CDH4: variants seen among roughly 807,000 people sequenced by gnomAD.
CDH4 encodes cadherin 4, also known as cadherin-4.
CDH4 carries 33 observed loss-of-function variants against 86.0 expected under a neutral mutation model. That is an observed-to-expected ratio of 0.38 (90% confidence interval 0.29 to 0.51). The LOEUF (loss-of-function observed/expected upper bound fraction) is 0.51. Ranked by LOEUF, CDH4 falls within the 20% of genes least tolerant of loss-of-function variation. The pLI is 0.86. For synonymous variants in CDH4, 555 were observed against 549.4 expected (o/e 1.01, Z -0.14); for missense variants, 1,114 against 1,307.4 (o/e 0.85, Z 2.28).
chr20:61,564,656 C>G (rs367852370), intron 2 of CDH4, among the ~76,000 whole-genome samples: 5 of 152,298 alleles, frequency 3.3e-5, no homozygotes, highest in Middle Eastern at 3.4e-3. Context: ...AAAATAAAAC[C>G]TCTTTCTTTA....
chr20:61,885,969 T>C (rs1381268507), intron 7 of CDH4, among the ~76,000 whole-genome samples: 4 of 152,104 alleles, frequency 2.6e-5, no homozygotes, highest in Non-Finnish European at 4.4e-5. Context: ...CTGGAGAAGC[T>C]CCCAGAGCAG....
rs1555835025 is a variant in CDH4 at position 61,302,493 on chromosome 20, G to GGT, written c.169+47557_169+47558dup. Among the ~76,000 whole-genome samples the GGT allele has an allele frequency of 2.0e-5, 3 of 151,772 alleles. No individual in the cohort carries two copies. The East Asian group carries it at 5.8e-4, about 30-fold the overall frequency. On this transcript the variant is annotated intron_variant, in intron 2 of 15. Transcript: ENST00000614565. Reference sequence around the variant, plus strand: ...TGTTTCCTTGGCCTGGGTTGGGGGGGGTCTGTTGTCACAAACGTCATTCTT... The same window carrying GGT: ...TGTTTCCTTGGCCTGGGTTGGGGGGGGTGTCTGTTGTCACAAACGTCATTCTT...
At chr20:61,265,214 T>C (rs1052027654) in intron 2 of CDH4, among the ~76,000 whole-genome samples, 14 of 126,492 alleles carry the variant, frequency 1.1e-4, no homozygotes, top group African/African-American at 3.7e-4. Context: ...CTTACTCATA[T>C]CTCAGTGGCT....
chr20:61,588,714 C>A (rs1293195746), intron 2 of CDH4, among the ~76,000 whole-genome samples: 3 of 152,198 alleles, frequency 2.0e-5, no homozygotes, highest in Non-Finnish European at 2.9e-5. Flanking sequence ...TCATTCCTCG[C>A]AAACACCACC....
At chr20:61,304,410 C>A (rs767853007) in intron 2 of CDH4, among the ~76,000 whole-genome samples, 5 of 152,084 alleles carry the variant, frequency 3.3e-5, no homozygotes, top group Non-Finnish European at 7.3e-5. Context: ...CATTGTATTG[C>A]TTCATAATGG....
chr20:61,419,630 C>T (rs767036136), intron 2 of CDH4, among the ~76,000 whole-genome samples: 35 of 151,966 alleles, frequency 2.3e-4, no homozygotes, highest in Non-Finnish European at 4.3e-4. Context: ...CCACCCTCCC[C>T]TCTTCTGCAG....
chr20:61,451,049 C>T (rs1253168154), intron 2 of CDH4, among the ~76,000 whole-genome samples: 1 of 151,986 alleles, frequency 6.6e-6, no homozygotes, highest in Non-Finnish European at 1.5e-5. Flanking sequence ...GGCCTGGAGG[C>T]TCAAGAGAGC....
At chr20:61,363,990 C>T (rs1358231957) in intron 2 of CDH4, among the ~76,000 whole-genome samples, 1 of 152,122 alleles carries the variant, frequency 6.6e-6, no homozygotes, top group Non-Finnish European at 1.5e-5. Context: ...GGACACAGTC[C>T]CCTCATAAGT....
chr20:61,875,222 G>A (rs542900553), intron 7 of CDH4, among the ~76,000 whole-genome samples: 64 of 152,322 alleles, frequency 4.2e-4, no homozygotes, highest in Non-Finnish European at 8.5e-4. Context: ...GCTGCAGCCT[G>A]GAAAATCCCA....
intron 2 of CDH4, among the ~76,000 whole-genome samples, chr20:61,366,500 C>T (rs1030929781): frequency 1.8e-4 from 27 of 152,268 alleles, no homozygotes; most frequent in African/African-American, 5.8e-4. Flanking sequence ...CTGACAGCCC[C>T]GAACAGAGAT....
chr20:61,909,999 C>T (rs1304438012), intron 8 of CDH4, among the ~76,000 whole-genome samples: 1 of 152,262 alleles, frequency 6.6e-6, no homozygotes, highest in Non-Finnish European at 1.5e-5. Context: ...CAGGTCTGCA[C>T]GCCTGCTTCA....
At chr20:61,697,322 G>A (rs555538604) in intron 2 of CDH4, among the ~76,000 whole-genome samples, 5 of 152,168 alleles carry the variant, frequency 3.3e-5, no homozygotes, top group African/African-American at 7.2e-5. Flanking sequence ...ACAGAAGGCC[G>A]GGCACAGTGG....
intron 4 of CDH4, among the ~76,000 whole-genome samples, chr20:61,838,678 G>A (rs1981987249): frequency 6.6e-6 from 1 of 151,946 alleles, no homozygotes; most frequent in African/African-American, 2.4e-5. Flanking sequence ...GTGGTGGGGG[G>A]AGCGCCTGTA....
At chr20:61,522,642 A>T (rs2085878571) in intron 2 of CDH4, among the ~76,000 whole-genome samples, 1 of 152,148 alleles carries the variant, frequency 6.6e-6, no homozygotes, top group Non-Finnish European at 1.5e-5. Flanking sequence ...AAGCAGCCCC[A>T]CTCGGAACTG....
At chr20:61,675,130 GT>G (rs1418542099) in intron 2 of CDH4, among the ~76,000 whole-genome samples, 2 of 152,218 alleles carry the variant, frequency 1.3e-5, no homozygotes, top group African/African-American at 4.8e-5. Flanking sequence ...ACAGGCTGCT[GT>G]TTTTTGGCAG....
rs141984656 is a variant in CDH4, at chr20:61,696,275, G to A, written c.170-47288G>A. Reference sequence around the variant, plus strand: ...CGACTCGGGCACAGAAGGAAGCTCCGAGGCCTTTACAGGGCTGAGCCAGGG... The same window carrying A: ...CGACTCGGGCACAGAAGGAAGCTCCAAGGCCTTTACAGGGCTGAGCCAGGG... On this transcript the variant is annotated intron_variant, in intron 2 of 15. Coordinates refer to ENST00000614565, the MANE Select transcript of CDH4 (RefSeq NM_001794.5). 3.7e-3 allele frequency among the ~76,000 whole-genome samples: 568 copies of A among 152,350 alleles called. 1 individual carries two copies. The highest frequency in any genetic ancestry group is 5.6e-3 in the Non-Finnish European group (383 of 68,030).
At chr20:61,256,580 C>T (rs562324722) in intron 2 of CDH4, among the ~76,000 whole-genome samples, 4 of 152,342 alleles carry the variant, frequency 2.6e-5, no homozygotes, top group African/African-American at 7.2e-5. Context: ...CGGATGTCGG[C>T]CTGGCCCCTG....
chr20:61,617,040 G>A (rs192771059), intron 2 of CDH4, among the ~76,000 whole-genome samples: 65 of 152,318 alleles, frequency 4.3e-4, no homozygotes, highest in African/African-American at 1.4e-3. Flanking sequence ...CTGTCACTAT[G>A]GGACAGAAGA....
chr20:61,794,913 A>C (rs532608656), intron 4 of CDH4, among the ~76,000 whole-genome samples: 1 of 152,034 alleles, frequency 6.6e-6, no homozygotes, highest in African/African-American at 2.4e-5. Flanking sequence ...CTAATTCCTG[A>C]GCCACTCCTG....
Sources: allele counts gnomAD v4.1 joint callset (sites outside exome capture counted in the v4.1 genomes callset), GRCh38; gene constraint gnomAD v4.1.1; transcripts MANE v1.5; gene names NCBI Gene and HGNC (gene_info 2026-07-23, HGNC 2026-07-21).